Variants in TRMT44 observed in about 807,000 individuals in gnomAD.
TRMT44 encodes tRNA methyltransferase 44 homolog, also known as probable tRNA (uracil-O(2)-)-methyltransferase.
TRMT44 carries 78 observed loss-of-function variants against 77.3 expected under a neutral mutation model. The observed-to-expected ratio is 1.01, with a 90% CI of 0.84 to 1.22. The LOEUF (loss-of-function observed/expected upper bound fraction) is 1.22. Ranked by LOEUF, TRMT44 falls within the 50% of genes most tolerant of loss-of-function variation. TRMT44 has a pLI of 0.00. For missense variants in TRMT44, 1,090 were observed against 964.4 expected, an observed-to-expected ratio of 1.13 and a Z score of -1.73; for synonymous variants, 391 against 383.3, an observed-to-expected ratio of 1.02 and a Z score of -0.23.
chr4:8,480,640 CCT>C (rs1347184664), downstream of TRMT44, among the ~76,000 whole-genome samples: 7 of 152,246 alleles, frequency 4.6e-5, no homozygotes, highest in East Asian at 1.2e-3. Context: ...TGGGAAATTG[CCT>C]CTCCCTGGCG....
chr4:8,509,056 A>G, the TRMT44 span: 1 of 152,240 alleles, frequency 6.6e-6, no homozygotes, highest in Non-Finnish European at 1.5e-5. Flanking sequence ...TACTATGGAC[A>G]CTGGAAAAGA....
chr4:8,490,414 C>T (rs571423384), intron 2 of TRMT44, among the ~76,000 whole-genome samples: 11 of 152,062 alleles, frequency 7.2e-5, no homozygotes, highest in African/African-American at 2.4e-4. Flanking sequence ...CTCGCTGGCT[C>T]AGGAGTGAAG....
intron 2 of TRMT44, among the ~76,000 whole-genome samples, chr4:8,482,599 G>A (rs559227688): frequency 1.4e-4 from 22 of 152,264 alleles, no homozygotes; most frequent in South Asian, 1.0e-3. Flanking sequence ...AGTGGGGGTC[G>A]CAAGGTGCTC....
chr4:8,516,397 T>C, the TRMT44 span, among the ~76,000 whole-genome samples: 2 of 152,230 alleles, frequency 1.3e-5, no homozygotes, highest in Non-Finnish European at 2.9e-5. Context: ...TGGTCCCAGA[T>C]ACTGATGACT....
At chr4:8,503,048 G>A in the TRMT44 span, among the ~76,000 whole-genome samples, 404 of 152,354 alleles carry the variant, frequency 2.7e-3, 3 homozygotes, top group Non-Finnish European at 4.0e-3. Flanking sequence ...TCCCACATGA[G>A]AGGCAGAGGC....
chr4:8,492,333 CA>C (rs1208226486), intron 2 of TRMT44, among the ~76,000 whole-genome samples: 4 of 152,136 alleles, frequency 2.6e-5, no homozygotes, highest in African/African-American at 9.7e-5. Flanking sequence ...CTTTCAACAT[CA>C]AAAACATACT....
downstream of TRMT44, among the ~76,000 whole-genome samples, chr4:8,493,836 C>A (rs773560109): frequency 1.1e-4 from 17 of 151,894 alleles, no homozygotes; most frequent in Non-Finnish European, 1.8e-4. Flanking sequence ...GACCTGCCTG[C>A]CTGGCGAGCA....
chr4:8,458,944 A>G (rs921641069), intron 6 of TRMT44, among the ~76,000 whole-genome samples: 6 of 151,814 alleles, frequency 4.0e-5, no homozygotes, highest in African/African-American at 7.3e-5. Context: ...CACACCAGCA[A>G]TCCTAGCTCT....
At chr4:8,467,118 G>C (rs1000742749) in intron 8 of TRMT44, among the ~76,000 whole-genome samples, 1 of 152,334 alleles carries the variant, frequency 6.6e-6, no homozygotes. Flanking sequence ...AGGCAAGCAC[G>C]CATGGAGCAC....
At chr4:8,442,106 C>G (rs1478029238) in intron 1 of TRMT44, among the ~76,000 whole-genome samples, 2 of 152,222 alleles carry the variant, frequency 1.3e-5, no homozygotes, top group Admixed American at 6.5e-5. Flanking sequence ...AAAGGAGTGT[C>G]TTTCTCCTTG....
chr4:8,486,068 G>A (rs1410632444), intron 2 of TRMT44, among the ~76,000 whole-genome samples: 3 of 152,202 alleles, frequency 2.0e-5, no homozygotes, highest in African/African-American at 4.8e-5. Context: ...GAAGATCTGG[G>A]AAGGAGTCAG....
In TRMT44 at chr4:8,452,997, C is replaced by G. The variant is rs1326319743; in HGVS notation, c.1131+8C>G. On this transcript the variant is annotated splice_region_variant and intron_variant, in intron 5 of 10. Coordinates refer to ENST00000389737, the MANE Select transcript of TRMT44 (RefSeq NM_152544.3). This position sits in a 1 kb window ranked among gnomAD's most constrained non-coding sequence, Gnocchi z 5.7. Reference sequence around the variant, plus strand: ...ATCCTGAGCAGTGAGGGGGTAAGGCCCGGCTCCATCACCTTTTCTGGTAAC... The same window carrying G: ...ATCCTGAGCAGTGAGGGGGTAAGGCGCGGCTCCATCACCTTTTCTGGTAAC... The G allele has an allele frequency of 2.7e-6, 4 of 1,468,044 alleles. No individual in the cohort carries two copies. Among genetic ancestry groups the G allele is most frequent in the Non-Finnish European group, 3.6e-6 (4 of 1,105,036 alleles). The allele number at this position is 1,468,044 out of a possible 1,614,324, so 90.9% of individuals were successfully genotyped here. A position where few individuals can be genotyped will look rare whatever the true frequency, so the allele number is the denominator to read the frequency against.
chr4:8,498,923 C>T, the TRMT44 span, among the ~76,000 whole-genome samples: 2 of 152,124 alleles, frequency 1.3e-5, no homozygotes, highest in East Asian at 1.9e-4. The surrounding 1 kb of genome is among the most constrained non-coding windows in gnomAD (Gnocchi z 4.3). Flanking sequence ...CTGCGTGGTC[C>T]AGTTGCCCAG....
chr4:8,507,144 G>A, the TRMT44 span: 1 of 152,422 alleles, frequency 6.6e-6, no homozygotes, highest in African/African-American at 2.4e-5. Flanking sequence ...GCTGGATGGA[G>A]CTGTGTTCCC....
At chr4:8,445,991 G>A (rs566685604) in intron 1 of TRMT44, among the ~76,000 whole-genome samples, 48 of 152,324 alleles carry the variant, frequency 3.2e-4, no homozygotes, top group African/African-American at 1.1e-3. Flanking sequence ...GAAGGTGACT[G>A]TGAAGTCCGT....
At chr4:8,501,869 G>A in the TRMT44 span, among the ~76,000 whole-genome samples, 1 of 152,172 alleles carries the variant, frequency 6.6e-6, no homozygotes, top group Non-Finnish European at 1.5e-5. This position sits in a 1 kb window ranked among gnomAD's most constrained non-coding sequence, Gnocchi z 4.4. Flanking sequence ...TGCCTGGAAG[G>A]TTCCAGAAGT....
At chr4:8,464,469 A>G (rs890662990) in intron 7 of TRMT44, among the ~76,000 whole-genome samples, 1 of 152,200 alleles carries the variant, frequency 6.6e-6, no homozygotes, top group African/African-American at 2.4e-5. Context: ...GGGGAAATCT[A>G]CCCATCGATA....
At chr4:8,448,493 A>G (rs1725205929) in intron 2 of TRMT44, among the ~76,000 whole-genome samples, 1 of 152,162 alleles carries the variant, frequency 6.6e-6, no homozygotes, top group Non-Finnish European at 1.5e-5. Flanking sequence ...ATGAAGGAGG[A>G]GGCCGTATGG....
At chr4:8,511,603 C>T in the TRMT44 span, among the ~76,000 whole-genome samples, 1 of 152,118 alleles carries the variant, frequency 6.6e-6, no homozygotes, top group Admixed American at 6.5e-5. Flanking sequence ...TCCCTAACAT[C>T]TAATTGAATC....
Sources: allele counts gnomAD v4.1 joint callset (sites outside exome capture counted in the v4.1 genomes callset), GRCh38; gene constraint gnomAD v4.1.1; non-coding constraint Gnocchi (gnomAD v3.1); transcripts MANE v1.5; gene names NCBI Gene and HGNC (gene_info 2026-07-23, HGNC 2026-07-21).